ATF6: variants seen among roughly 807,000 people sequenced by gnomAD.
ATF6 encodes the protein activating transcription factor 6, also known as cyclic AMP-dependent transcription factor ATF-6 alpha.
In ATF6, 53 loss-of-function variants were observed where a neutral mutation model predicts 83.6. That is an observed-to-expected ratio of 0.63 (90% confidence interval 0.51 to 0.80). The LOEUF is 0.80. Among genes scored for constraint, ATF6 ranks in the 30% least tolerant of loss-of-function variants. ATF6 has a pLI of 0.00. For synonymous variants in ATF6, 288 were observed against 285.8 expected, an observed-to-expected ratio of 1.01 and a Z score of -0.08; for missense variants, 744 against 797.9, an observed-to-expected ratio of 0.93 and a Z score of 0.81.
At chr1:161,800,079 G>A (rs1283844132) in intron 6 of ATF6, among the ~76,000 whole-genome samples, 2 of 152,134 alleles carry the variant, frequency 1.3e-5, no homozygotes, top group Non-Finnish European at 2.9e-5. Flanking sequence ...TGCCAGATCT[G>A]AAAGGAAACA....
chr1:161,913,758 A>C (rs78717237), intron 15 of ATF6, among the ~76,000 whole-genome samples: 3 of 152,190 alleles, frequency 2.0e-5, no homozygotes, highest in Non-Finnish European at 4.4e-5. Context: ...CTTATACTCA[A>C]TCTATAGGTA....
chr1:161,812,371 CTTTTTTTTTTTTTTTTTTTTTTTT>C (rs869240831), intron 7 of ATF6, among the ~76,000 whole-genome samples: 12 of 34,394 alleles, frequency 3.5e-4, no homozygotes, highest in South Asian at 2.5e-3. Flanking sequence ...CAGGTATTTT[CTTTTTTTTTTTTTTTTTTTTTTTT>C]TTTTTTTTTT....
At chr1:161,938,462 G>C (rs1436021994) in intron 15 of ATF6, among the ~76,000 whole-genome samples, 1 of 152,136 alleles carries the variant, frequency 6.6e-6, no homozygotes, top group African/African-American at 2.4e-5. Flanking sequence ...GAATATCAGA[G>C]AAACATAAGA....
chr1:161,939,870 C>T (rs1688611036), intron 15 of ATF6, among the ~76,000 whole-genome samples: 1 of 152,196 alleles, frequency 6.6e-6, no homozygotes, highest in African/African-American at 2.4e-5. Context: ...CTATGGCTTC[C>T]AGCTAAAATG....
intron 14 of ATF6, among the ~76,000 whole-genome samples, chr1:161,888,701 T>G (rs1339987659): frequency 6.6e-6 from 1 of 152,206 alleles, no homozygotes; most frequent in Admixed American, 6.5e-5. Context: ...GCATACTTCC[T>G]CATTTGGATT....
At chr1:161,827,646 A>G (rs1685935302) in intron 9 of ATF6, among the ~76,000 whole-genome samples, 1 of 146,486 alleles carries the variant, frequency 6.8e-6, no homozygotes, top group Non-Finnish European at 1.5e-5. Flanking sequence ...TATGGGCCAA[A>G]TGAAAAAAAA....
chr1:161,937,814 A>C (rs1688568646), intron 15 of ATF6, among the ~76,000 whole-genome samples: 1 of 152,042 alleles, frequency 6.6e-6, no homozygotes, highest in South Asian at 2.1e-4. Flanking sequence ...GGGTGCAGCA[A>C]ACCACCATGG....
intron 14 of ATF6, among the ~76,000 whole-genome samples, chr1:161,906,910 T>C (rs1687886607): frequency 6.6e-6 from 1 of 152,240 alleles, no homozygotes. Context: ...GTTTTTACTA[T>C]GCTGAGAAGC....
intron 2 of ATF6, among the ~76,000 whole-genome samples, chr1:161,780,397 G>A (rs1411616514): frequency 2.7e-5 from 4 of 149,186 alleles, no homozygotes; most frequent in Non-Finnish European, 5.9e-5. Context: ...TTTTTGAGAC[G>A]GAGTCTTGCT....
chr1:161,844,097 C>T (rs377425748), intron 9 of ATF6, among the ~76,000 whole-genome samples: 9 of 152,114 alleles, frequency 5.9e-5, no homozygotes, highest in African/African-American at 1.9e-4. Flanking sequence ...AAAGCCTATG[C>T]GATATTAGAC....
In ATF6 at chr1:161,812,293, G is replaced by A. The variant is rs1371088785; in HGVS notation, c.910-7340G>A. Among the ~76,000 whole-genome samples the A allele has an allele frequency of 2.1e-5, 3 of 142,488 alleles. No individual in the cohort carries two copies. The East Asian group carries it at 6.4e-4, about 30-fold the overall frequency. The allele number at this position is 142,488 out of a possible 152,430, so 93.5% of individuals were successfully genotyped here. A position where few individuals can be genotyped will look rare whatever the true frequency, so the allele number is the denominator to read the frequency against. On this transcript the variant is annotated intron_variant, in intron 7 of 15. Transcript: ENST00000367942. ...GATTAAATAACATTTCATGCTTTGT[G>A]TGTGTGTGTGTGTGTGTGTGTTTTA... is the stretch of plus-strand genomic sequence containing the variant.
intron 15 of ATF6, among the ~76,000 whole-genome samples, chr1:161,934,706 A>G (rs1178315718): frequency 6.6e-6 from 1 of 152,170 alleles, no homozygotes; most frequent in South Asian, 2.1e-4. Context: ...AAGAACAGAT[A>G]TGTTTTCATG....
intron 15 of ATF6, among the ~76,000 whole-genome samples, chr1:161,950,732 G>C (rs1688846254): frequency 6.6e-6 from 1 of 151,982 alleles, no homozygotes; most frequent in Admixed American, 6.6e-5. Flanking sequence ...TCTTCTCATG[G>C]GCCCCTTTGT....
chr1:161,952,987 A>T (rs1168040130), intron 15 of ATF6, among the ~76,000 whole-genome samples: 1 of 152,160 alleles, frequency 6.6e-6, no homozygotes, highest in African/African-American at 2.4e-5. Flanking sequence ...TAGTCACGTG[A>T]TGTCTCCATG....
chr1:161,951,156 T>G (rs933813977), intron 15 of ATF6, among the ~76,000 whole-genome samples: 3 of 152,236 alleles, frequency 2.0e-5, no homozygotes, highest in African/African-American at 7.2e-5. Flanking sequence ...CATAGGCTGC[T>G]AAATTTCCCA....
chr1:161,816,078 AAG>A (rs1218235450), intron 7 of ATF6, among the ~76,000 whole-genome samples: 1 of 152,218 alleles, frequency 6.6e-6, no homozygotes, highest in African/African-American at 2.4e-5. Flanking sequence ...ACAGTCAAAT[AAG>A]TGTTTACTAA....
chr1:161,853,404 A>C, intron 12 of ATF6, 81 bp downstream of exon 12: 1 of 1,048,846 alleles, frequency 9.5e-7, no homozygotes, highest in East Asian at 2.7e-5. Context: ...TCTTCCCTAG[A>C]AGGTTGGTAA....
intron 2 of ATF6, among the ~76,000 whole-genome samples, chr1:161,780,668 C>T (rs988996060): frequency 4.6e-5 from 7 of 151,806 alleles, no homozygotes; most frequent in East Asian, 1.9e-4. Flanking sequence ...CCACTGCACC[C>T]GGCCGAGGTG....
chr1:161,922,493 A>AC (rs1283242838), intron 15 of ATF6, among the ~76,000 whole-genome samples: 1 of 152,158 alleles, frequency 6.6e-6, no homozygotes, highest in African/African-American at 2.4e-5. Context: ...AAACAAAAAA[A>AC]AATTAACAAC....
Sources: gnomAD v4.1 joint callset for allele counts (sites outside exome capture counted in the v4.1 genomes callset) on GRCh38, gnomAD v4.1.1 for gene constraint, MANE v1.5 for transcripts, NCBI Gene and HGNC (gene_info 2026-07-23, HGNC 2026-07-21) for gene names.